STT3B: variants seen among roughly 807,000 people sequenced by gnomAD.
STT3B encodes the protein dolichyl-diphosphooligosaccharide--protein glycosyltransferase subunit STT3B.
Under a neutral mutation model 96.8 loss-of-function variants are expected in STT3B, and 29 were observed. The observed-to-expected ratio is 0.30, with a 90% CI of 0.22 to 0.41. The LOEUF is 0.41. Ranked by LOEUF, STT3B falls within the 10% of genes least tolerant of loss-of-function variation. The pLI is 1.00. For missense variants in STT3B, 640 were observed against 1,022.3 expected, an observed-to-expected ratio of 0.63 and a Z score of 5.10; for synonymous variants, 367 against 360.0, an observed-to-expected ratio of 1.02 and a Z score of -0.22.
At chr3:31,578,565 T>C (rs2125452893) in intron 2 of STT3B, among the ~76,000 whole-genome samples, 1 of 150,392 alleles carries the variant, frequency 6.6e-6, no homozygotes, top group South Asian at 2.1e-4. Flanking sequence ...TTTGTTTTTT[T>C]TTCCCCCCCA....
chr3:31,635,751 G>A (rs1250847000), intron 15 of STT3B, among the ~76,000 whole-genome samples: 2 of 152,148 alleles, frequency 1.3e-5, no homozygotes, highest in Non-Finnish European at 2.9e-5. Flanking sequence ...TCATTCACTT[G>A]ATGGTGAGGA....
chr3:31,602,726 T>C (rs1203314756), intron 5 of STT3B, among the ~76,000 whole-genome samples: 1 of 151,428 alleles, frequency 6.6e-6, no homozygotes, highest in Non-Finnish European at 1.5e-5. Flanking sequence ...TTTGGTTGAT[T>C]CTTGAGAGTA....
intron 5 of STT3B, among the ~76,000 whole-genome samples, chr3:31,606,070 G>C (rs1336790129): frequency 6.6e-6 from 1 of 152,194 alleles, no homozygotes; most frequent in African/African-American, 2.4e-5. Flanking sequence ...TGAAATCGAG[G>C]TAGATGATTT....
At chr3:31,583,987 G>T (rs1698477547) in intron 3 of STT3B, among the ~76,000 whole-genome samples, 2 of 152,198 alleles carry the variant, frequency 1.3e-5, no homozygotes, top group South Asian at 4.1e-4. Context: ...TAAGGAAACT[G>T]TTGGCCTAAT....
At chr3:31,627,711 GT>G (rs1559392891) in intron 13 of STT3B, among the ~76,000 whole-genome samples, 1 of 152,028 alleles carries the variant, frequency 6.6e-6, no homozygotes, top group African/African-American at 2.4e-5. Context: ...TTATTTTTTT[GT>G]ATTAATCTTC....
intron 1 of STT3B, among the ~76,000 whole-genome samples, chr3:31,547,143 G>A (rs1392587600): frequency 6.6e-6 from 1 of 152,154 alleles, no homozygotes; most frequent in Non-Finnish European, 1.5e-5. Context: ...CTTGCCTGGA[G>A]TGACAGAGTA....
chr3:31,572,908 C>T (rs1422439720), intron 1 of STT3B, among the ~76,000 whole-genome samples: 2 of 152,170 alleles, frequency 1.3e-5, no homozygotes, highest in Non-Finnish European at 1.5e-5. Flanking sequence ...GTGTTGGAGA[C>T]ACAGTGATGT....
chr3:31,622,320 A>G lies in STT3B; in HGVS notation c.1539+12A>G, dbSNP rs780701285. 2.5e-6 allele frequency: 4 copies of G among 1,606,838 alleles called. No individual in the cohort carries two copies. The highest frequency in any genetic ancestry group is 1.7e-6 in the Non-Finnish European group (2 of 1,173,714). On this transcript the variant is annotated intron_variant, in intron 10 of 15. Transcript: ENST00000295770. ...ATTTGTATGATAAGGTGGGGAATCT[A>G]AAGTAAGGCCTTTAAATTGTCTATG...
chr3:31,541,729 A>T (rs966249847), intron 1 of STT3B, among the ~76,000 whole-genome samples: 7 of 151,926 alleles, frequency 4.6e-5, no homozygotes, highest in African/African-American at 1.7e-4. Flanking sequence ...GGCGCCCGCG[A>T]CCATGCCCGG....
intron 5 of STT3B, among the ~76,000 whole-genome samples, chr3:31,614,350 TC>T (rs1699255628): frequency 6.6e-6 from 1 of 152,024 alleles, no homozygotes; most frequent in South Asian, 2.1e-4. Flanking sequence ...TTCTCTCTAA[TC>T]AATTGCGTAA....
chr3:31,560,405 A>G (rs1274999915), intron 1 of STT3B, among the ~76,000 whole-genome samples: 1 of 152,062 alleles, frequency 6.6e-6, no homozygotes, highest in Non-Finnish European at 1.5e-5. Context: ...TTTCACTTCC[A>G]GATTAAGTAC....
At chr3:31,619,592 T>C in intron 8 of STT3B, 84 bp from the exon 9 acceptor site, 1 of 1,211,390 alleles carries the variant, frequency 8.3e-7, no homozygotes, top group Non-Finnish European at 1.2e-6. Context: ...GTACCATTTC[T>C]ACAACCAAAC....
chr3:31,573,855 A>G (rs1473225996), intron 1 of STT3B, among the ~76,000 whole-genome samples: 2 of 152,282 alleles, frequency 1.3e-5, no homozygotes, highest in East Asian at 3.9e-4. Flanking sequence ...TGAATTAATA[A>G]GAGTATCTTA....
chr3:31,571,588 C>T (rs867809631), intron 1 of STT3B, among the ~76,000 whole-genome samples: 9 of 152,208 alleles, frequency 5.9e-5, no homozygotes, highest in Middle Eastern at 6.8e-3. Flanking sequence ...GCAGCCAACA[C>T]ATAGATTGTC....
chr3:31,559,146 GGTGTGTGTGTGTGTGT>G (rs55707310), intron 1 of STT3B, among the ~76,000 whole-genome samples: 14 of 116,536 alleles, frequency 1.2e-4, no homozygotes, highest in African/African-American at 2.9e-4. Flanking sequence ...TGATTCTTGG[GGTGTGTGTGTGTGTGT>G]GTGTGTGTGT....
intron 3 of STT3B, among the ~76,000 whole-genome samples, chr3:31,581,576 A>G (rs1363382403): frequency 2.0e-5 from 3 of 152,136 alleles, no homozygotes; most frequent in African/African-American, 7.2e-5. Context: ...TCTTTTTCAT[A>G]TGCTGCTGAA....
chr3:31,595,544 A>G (rs969688350), intron 3 of STT3B, among the ~76,000 whole-genome samples: 13 of 152,136 alleles, frequency 8.5e-5, no homozygotes, highest in African/African-American at 3.1e-4. Flanking sequence ...AGTTTCTGAT[A>G]CCTACCTCTA....
intron 1 of STT3B, among the ~76,000 whole-genome samples, chr3:31,563,474 TTTAG>T (rs1358314286): frequency 6.6e-6 from 1 of 152,216 alleles, no homozygotes; most frequent in African/African-American, 2.4e-5. Context: ...TCAAGATAAT[TTTAG>T]TTAGTGATAA....
intron 7 of STT3B, among the ~76,000 whole-genome samples, 167 bp downstream of exon 7, chr3:31,617,242 A>G (rs1699326667): frequency 6.7e-6 from 1 of 148,194 alleles, no homozygotes; most frequent in Non-Finnish European, 1.5e-5. Context: ...GCTCTGATAA[A>G]TCTACTTTTA....
Sources: gnomAD v4.1 joint callset for allele counts (sites outside exome capture counted in the v4.1 genomes callset) on GRCh38, gnomAD v4.1.1 for gene constraint, MANE v1.5 for transcripts, NCBI Gene and HGNC (gene_info 2026-07-23, HGNC 2026-07-21) for gene names.